ROBO2: variants seen among roughly 807,000 people sequenced by gnomAD.
The protein encoded by ROBO2 is roundabout homolog 2.
Under a neutral mutation model 160.8 loss-of-function variants are expected in ROBO2, and 53 were observed. The observed-to-expected ratio is 0.33, with a 90% confidence interval of 0.26 to 0.41. The LOEUF (loss-of-function observed/expected upper bound fraction) is 0.41, where lower values mean the gene tolerates loss of function less well. Ranked by LOEUF, ROBO2 falls within the 10% of genes least tolerant of loss-of-function variation. The pLI is 1.00. For missense variants in ROBO2, 1,577 were observed against 1,722.4 expected (o/e 0.92, Z 1.49); for synonymous variants, 664 against 611.7 (o/e 1.09, Z -1.26).
intron 2 of ROBO2, among the ~76,000 whole-genome samples, chr3:76,065,689 G>T: frequency 6.8e-6 from 1 of 146,226 alleles, no homozygotes. Flanking sequence ...CCTGATATGG[G>T]TTTTCATATA....
At position 77,251,661 on chromosome 3, in the gene ROBO2, G is replaced by C. The variant is rs545350548; in HGVS notation, c.388+153321G>C. 2.8e-4 allele frequency among the ~76,000 whole-genome samples: 43 copies of C among 152,230 alleles called. 1 individual carries two copies. Among genetic ancestry groups the C allele is most frequent in the Admixed American group, 2.6e-3 (40 of 15,300 alleles). On this transcript the variant is annotated intron_variant, in intron 2 of 25. Coordinates refer to ENST00000461745, the Ensembl canonical transcript of ROBO2. The stretch of plus-strand genomic sequence containing the variant: ...TTGAATTGTAGCTCCCATAATTGTT[G>C]TTAGGAGGGACCTAGGGGGAGATGA...
intron 2 of ROBO2, among the ~76,000 whole-genome samples, chr3:77,219,806 C>A (rs2085537313): frequency 6.6e-6 from 1 of 151,408 alleles, no homozygotes; most frequent in Non-Finnish European, 1.5e-5. Context: ...TATCAAAAAT[C>A]CACATTGTGT....
At chr3:77,237,516 T>C (rs1246706121) in intron 2 of ROBO2, among the ~76,000 whole-genome samples, 1 of 150,106 alleles carries the variant, frequency 6.7e-6, no homozygotes, top group Non-Finnish European at 1.5e-5. Flanking sequence ...CCTCCCACCT[T>C]GGGCTCCCAA....
intron 1 of ROBO2, among the ~76,000 whole-genome samples, chr3:77,077,634 A>G (rs528837543): frequency 1.5e-4 from 23 of 152,342 alleles, no homozygotes; most frequent in Non-Finnish European, 2.9e-4. Flanking sequence ...TCCGTCGTCA[A>G]CTGGACTCTC....
chr3:76,757,047 A>G (rs576682895), intron 2 of ROBO2, among the ~76,000 whole-genome samples: 1 of 151,936 alleles, frequency 6.6e-6, no homozygotes, highest in African/African-American at 2.4e-5. Flanking sequence ...GCAATTCTTT[A>G]TATTTTTATA....
chr3:77,090,356 T>C (rs1296168485), intron 1 of ROBO2, among the ~76,000 whole-genome samples: 1 of 53,250 alleles, frequency 1.9e-5, no homozygotes, highest in Non-Finnish European at 3.0e-5. Flanking sequence ...TTTTTTTTTT[T>C]TTTTTTTTTT....
intron 2 of ROBO2, among the ~76,000 whole-genome samples, chr3:76,753,763 C>T (rs555364714): frequency 1.3e-5 from 2 of 151,938 alleles, no homozygotes; most frequent in South Asian, 4.2e-4. Flanking sequence ...TCCCCTGTCT[C>T]AATTATATGA....
intron 2 of ROBO2, among the ~76,000 whole-genome samples, chr3:76,123,522 A>T (rs1487655233): frequency 2.0e-5 from 3 of 152,134 alleles, no homozygotes; most frequent in Non-Finnish European, 4.4e-5. Flanking sequence ...GATTTTCTGC[A>T]AATAACAAAC....
chr3:76,051,288 A>G (rs1336945689), intron 2 of ROBO2, among the ~76,000 whole-genome samples: 1 of 151,984 alleles, frequency 6.6e-6, no homozygotes, highest in Non-Finnish European at 1.5e-5. Context: ...CATAAGTTCC[A>G]GTCCAAAGTT....
intron 2 of ROBO2, among the ~76,000 whole-genome samples, chr3:77,205,068 G>T (rs1041520678): frequency 6.6e-6 from 1 of 152,152 alleles, no homozygotes. Context: ...GATGCCTGGG[G>T]CTCCAGTGTT....
intron 2 of ROBO2, among the ~76,000 whole-genome samples, chr3:76,882,306 G>A (rs1030713062): frequency 1.1e-4 from 16 of 152,172 alleles, no homozygotes; most frequent in Non-Finnish European, 1.0e-4. Flanking sequence ...GGTGAAACAA[G>A]TATCTGGCAA....
chr3:76,984,402 G>C lies in ROBO2; in HGVS notation c.110-113612G>C, dbSNP rs527656092. 2.8e-4 allele frequency among the ~76,000 whole-genome samples: 43 copies of C among 152,262 alleles called. No individual in the cohort carries two copies. In the Middle Eastern group the frequency reaches 0.01, roughly 36 times the overall value. On this transcript the variant is annotated intron_variant, in intron 2 of 26. Transcript: ENST00000487694. ...ACATCAAACCTTTTTGGCACAGGAA[G>C]TTTAAGAGAGTTTAGAAAAAGTACA...
intron 2 of ROBO2, among the ~76,000 whole-genome samples, chr3:76,079,873 CAAAATCCTAA>C (rs2068765111): frequency 6.6e-6 from 1 of 151,972 alleles, no homozygotes; most frequent in African/African-American, 2.4e-5. Flanking sequence ...GAAATTTCTA[CAAAATCCTAA>C]AAGATTGGCC....
At chr3:77,481,007 C>A in intron 3 of ROBO2, 92 bp from the exon 4 acceptor site, 1 of 1,165,504 alleles carries the variant, frequency 8.6e-7, no homozygotes, top group Non-Finnish European at 1.3e-6. Flanking sequence ...AACAAATATG[C>A]TCAAATACTC....
intron 2 of ROBO2, among the ~76,000 whole-genome samples, chr3:76,602,869 C>T (rs897719433): frequency 6.6e-6 from 1 of 152,184 alleles, no homozygotes; most frequent in African/African-American, 2.4e-5. Context: ...AGTCTCATTG[C>T]ATAATCTCTA....
intron 2 of ROBO2, among the ~76,000 whole-genome samples, chr3:76,366,896 TC>T (rs1326709440): frequency 6.6e-6 from 1 of 151,940 alleles, no homozygotes; most frequent in African/African-American, 2.4e-5. Flanking sequence ...TTCATTGCAT[TC>T]CAAGCAATAA....
intron 2 of ROBO2, among the ~76,000 whole-genome samples, chr3:77,327,438 G>A (rs1480603073): frequency 6.6e-6 from 1 of 152,104 alleles, no homozygotes; most frequent in Non-Finnish European, 1.5e-5. Context: ...TGTAGGGTGA[G>A]ATTTTCTTCA....
intron 2 of ROBO2, among the ~76,000 whole-genome samples, chr3:76,900,045 C>T (rs927893671): frequency 6.6e-6 from 1 of 152,092 alleles, no homozygotes; most frequent in Non-Finnish European, 1.5e-5. Flanking sequence ...GGAGGCCTCA[C>T]AATCATGGCA....
intron 2 of ROBO2, among the ~76,000 whole-genome samples, chr3:76,861,137 C>G (rs2070734958): frequency 6.6e-6 from 1 of 152,136 alleles, no homozygotes; most frequent in Non-Finnish European, 1.5e-5. Flanking sequence ...TGACATTACA[C>G]TATTCTGAGT....
Sources: allele counts gnomAD v4.1 joint callset (sites outside exome capture counted in the v4.1 genomes callset), GRCh38; gene constraint gnomAD v4.1.1; transcripts MANE v1.5; gene names NCBI Gene and HGNC (gene_info 2026-07-23, HGNC 2026-07-21).